Variants in PLCZ1 observed in about 807,000 individuals in gnomAD.
PLCZ1 encodes the protein 1-phosphatidylinositol 4,5-bisphosphate phosphodiesterase zeta-1.
In PLCZ1, 64 loss-of-function variants were observed where a neutral mutation model predicts 76.8. That is an observed-to-expected ratio of 0.83 (90% CI 0.68 to 1.03). The LOEUF is 1.03. Among genes scored for constraint, PLCZ1 ranks in the 50% least tolerant of loss-of-function variants. PLCZ1 has a pLI of 0.00. For synonymous variants in PLCZ1, 248 were observed against 230.8 expected, an observed-to-expected ratio of 1.07 and a Z score of -0.68; for missense variants, 751 against 713.7, an observed-to-expected ratio of 1.05 and a Z score of -0.60.
chr12:18,717,741 C>T (rs139256849), intron 5 of PLCZ1, among the ~76,000 whole-genome samples: 2 of 152,060 alleles, frequency 1.3e-5, no homozygotes. Context: ...CCTCTCTTTC[C>T]CTCATATCTC....
At chr12:18,692,627 A>G (rs1461897773) in intron 12 of PLCZ1, 3 of 584,698 alleles carry the variant, frequency 5.1e-6, no homozygotes, top group East Asian at 5.9e-5. Flanking sequence ...GTCAACCGCA[A>G]TGGGGCAGGA....
At chr12:18,658,363 A>G in the PLCZ1 span, among the ~76,000 whole-genome samples, 9 of 152,172 alleles carry the variant, frequency 5.9e-5, no homozygotes, top group Non-Finnish European at 8.8e-5. Flanking sequence ...TAGGATAAAC[A>G]TAACAAGATT....
chr12:18,664,559 A>G, the PLCZ1 span, among the ~76,000 whole-genome samples: 1 of 152,270 alleles, frequency 6.6e-6, no homozygotes, highest in East Asian at 1.9e-4. Context: ...GAGATACTTA[A>G]AGTGTTCAAA....
At chr12:18,649,130 A>G in the PLCZ1 span, among the ~76,000 whole-genome samples, 25,506 of 151,988 alleles carry the variant, frequency 0.17, 2,658 homozygotes, top group African/African-American at 0.29. Context: ...CCTTTCTGCT[A>G]GACGATTATA....
Position 18,699,814 on chromosome 12 carries a change from C to T in PLCZ1, c.1154G>A (p.Arg385Gln), listed in dbSNP as rs758890842. The change falls in exon 10 of 15, where the codon CGA becomes CAA. Residue 385 changes from arginine to glutamine, a missense_variant. Arg to Gln is a conservative substitution (Grantham distance 43, BLOSUM62 1). Transcript: ENST00000266505. Reference sequence around the variant, plus strand: ...TTTACCTCGCAATTTTGAAAGTTTTCGGGCTTGTGTCTCCCCAATAGAATT... The same window carrying T: ...TTTACCTCGCAATTTTGAAAGTTTTTGGGCTTGTGTCTCCCCAATAGAATT... ...ENNSIGETQA[R>Q]KLSKLRVHEF... The T allele has an allele frequency of 3.2e-5, 51 of 1,613,260 alleles. 1 individual carries two copies. Among genetic ancestry groups the T allele is most frequent in the Middle Eastern group, 3.3e-4 (2 of 6,048 alleles).
In PLCZ1 at chr12:18,683,256, C is replaced by T. The variant is rs955097824; in HGVS notation, c.1810G>A (p.Val604Ile). 3 of 1,612,396 alleles carry T rather than the reference C, an allele frequency of 1.9e-6. No homozygotes were observed. The highest frequency in any genetic ancestry group is 1.1e-5 in the South Asian group (1 of 91,068). Reference sequence around the variant, plus strand: ...ATTAGCTGTTATCTGACGTACCAAACATAAACAAACAGTGAAGCAGGCTCA... The same window carrying T: ...ATTAGCTGTTATCTGACGTACCAAATATAAACAAACAGTGAAGCAGGCTCA... ...SLEPASLFVY[V>I]WYVR The change falls in exon 15 of 15, where the codon GTT (valine) becomes ATT (isoleucine). Residue 604 changes from valine to isoleucine, a missense_variant. By Grantham distance (29) the Val-to-Ile change is conservative. Transcript: ENST00000266505.
chr12:18,706,550 C>G (rs185998357), intron 6 of PLCZ1, among the ~76,000 whole-genome samples: 39 of 152,282 alleles, frequency 2.6e-4, no homozygotes, highest in African/African-American at 8.7e-4. Flanking sequence ...GAAGGTGGCT[C>G]TACAAAGGTA....
At chr12:18,731,561 G>A (rs1207497572) in intron 3 of PLCZ1, among the ~76,000 whole-genome samples, 1 of 98,226 alleles carries the variant, frequency 1.0e-5, no homozygotes, top group Non-Finnish European at 2.0e-5. Context: ...TTTTTTTGAC[G>A]CACAAGCCTG....
chr12:18,683,686 AC>A (rs1952666340), intron 14 of PLCZ1: 1 of 1,222,072 alleles, frequency 8.2e-7, no homozygotes, highest in African/African-American at 1.5e-5. Flanking sequence ...AGTGTAAATC[AC>A]CCTGGAAAGG....
chr12:18,645,970 G>A, the PLCZ1 span, among the ~76,000 whole-genome samples: 231 of 152,152 alleles, frequency 1.5e-3, 1 homozygote, highest in Non-Finnish European at 2.9e-3. Flanking sequence ...CATGATGTAG[G>A]AAGAAAAATG....
chr12:18,689,376 C>G (rs1180805980), intron 12 of PLCZ1, among the ~76,000 whole-genome samples: 1 of 152,182 alleles, frequency 6.6e-6, no homozygotes, highest in East Asian at 1.9e-4. Flanking sequence ...ACATGTGGCC[C>G]ATGGTGGCTT....
the PLCZ1 span, among the ~76,000 whole-genome samples, chr12:18,646,961 A>AT: frequency 1.3e-5 from 2 of 152,160 alleles, no homozygotes; most frequent in Non-Finnish European, 2.9e-5. Context: ...TATATACAGC[A>AT]TAATTACAAG....
At chr12:18,672,460 A>G in the PLCZ1 span, among the ~76,000 whole-genome samples, 2 of 151,996 alleles carry the variant, frequency 1.3e-5, no homozygotes, top group African/African-American at 2.4e-5. Flanking sequence ...AAATGACTTG[A>G]AAAAAAACTG....
At chr12:18,718,399 A>C (rs1958213288) in intron 5 of PLCZ1, among the ~76,000 whole-genome samples, 1 of 152,096 alleles carries the variant, frequency 6.6e-6, no homozygotes, top group African/African-American at 2.4e-5. Context: ...CTTAAGGAAA[A>C]TCCTTCTCAG....
chr12:18,719,641 AT>A lies in PLCZ1; in HGVS notation c.368-10del, dbSNP rs201836079. On this transcript the variant is annotated splice_polypyrimidine_tract_variant and intron_variant, in intron 4 of 14. Transcript: ENST00000266505. ...TTGGTGTGCTTTCCTAACTAAAAAA[AT>A]AAAATAAAATAAGTTAAAAGGATGC... 1.3e-3 allele frequency: 1,985 copies of A among 1,554,124 alleles called. 18 individuals carry two copies. In the African/African-American group the frequency reaches 0.024, roughly 19 times the overall value.
the PLCZ1 span, among the ~76,000 whole-genome samples, chr12:18,664,780 G>A: frequency 3.3e-5 from 5 of 151,322 alleles, no homozygotes; most frequent in African/African-American, 1.2e-4. Context: ...ATGATAGACT[G>A]GATTAAGAAA....
At chr12:18,714,665 A>C (rs1957737481) in intron 5 of PLCZ1, 2 of 152,106 alleles carry the variant, frequency 1.3e-5, no homozygotes, top group African/African-American at 4.8e-5. Context: ...CCCCATGTCT[A>C]CAGGCTACTG....
intron 12 of PLCZ1, chr12:18,693,437 G>A (rs1426579580): frequency 3.1e-6 from 5 of 1,604,858 alleles, no homozygotes; most frequent in Non-Finnish European, 4.2e-6. Flanking sequence ...AGCCTCCAAG[G>A]GGGTCATTCT....
At position 18,693,313 on chromosome 12, in the gene PLCZ1, C is replaced by T; in HGVS notation, c.1461+1597G>A. ...GTCACAGTGATGAAGGTGGAAAAGG[C>T]CCCCCAAGAGACCTATGCAGATACT... On this transcript the variant is annotated intron_variant, in intron 12 of 14. Transcript: ENST00000266505. The T allele has an allele frequency of 3.9e-6, 6 of 1,534,908 alleles. No individual in the cohort carries two copies. In the South Asian group the frequency reaches 4.5e-5, roughly 11 times the overall value.
Sources: gnomAD v4.1 joint callset for allele counts (sites outside exome capture counted in the v4.1 genomes callset) on GRCh38, gnomAD v4.1.1 for gene constraint, MANE v1.5 for transcripts, NCBI Gene and HGNC (gene_info 2026-07-23, HGNC 2026-07-21) for gene names.